RGS22: variants seen among roughly 807,000 people sequenced by gnomAD.
The protein encoded by RGS22 is regulator of G protein signaling 22.
Under a neutral mutation model 172.9 loss-of-function variants are expected in RGS22, and 148 were observed. That is an observed-to-expected ratio of 0.86 (90% confidence interval 0.75 to 0.98). RGS22 has a LOEUF of 0.98. Among genes scored for constraint, RGS22 ranks in the 50% least tolerant of loss-of-function variants. The pLI is 0.00. For missense variants in RGS22, 1,347 were observed against 1,440.8 expected, an observed-to-expected ratio of 0.93 and a Z score of 1.05; for synonymous variants, 458 against 480.2, an observed-to-expected ratio of 0.95 and a Z score of 0.60.
chr8:100,076,810 T>C (rs539445135), intron 4 of RGS22, among the ~76,000 whole-genome samples: 21 of 152,280 alleles, frequency 1.4e-4, no homozygotes, highest in Admixed American at 1.0e-3. Context: ...CTGGCCGACA[T>C]GGCAAAACCC....
intron 23 of RGS22, among the ~76,000 whole-genome samples, chr8:99,972,611 C>T (rs1247102929): frequency 6.6e-6 from 1 of 152,148 alleles, no homozygotes; most frequent in African/African-American, 2.4e-5. Context: ...AGACACTTCT[C>T]AAAAGAAGAC....
At chr8:100,098,891 ATTTTATTTTATTTTAT>A (rs1813232410) in intron 2 of RGS22, among the ~76,000 whole-genome samples, 1 of 82,276 alleles carries the variant, frequency 1.2e-5, no homozygotes, top group African/African-American at 4.6e-5. Context: ...ATTTTATTTT[ATTTTATTTTATTTTAT>A]TTTATTTTAT....
chr8:99,976,432 G>C (rs1811946070), intron 23 of RGS22, among the ~76,000 whole-genome samples: 1 of 152,066 alleles, frequency 6.6e-6, no homozygotes, highest in African/African-American at 2.4e-5. Flanking sequence ...CGCCATCTCG[G>C]CTCACTGCAA....
chr8:99,993,532 CTGGACACAT>C lies in RGS22; in HGVS notation c.3018+2921_3018+2929del, dbSNP rs557460724. Among the ~76,000 whole-genome samples, 139 of 152,196 alleles carry C rather than the reference CTGGACACAT, an allele frequency of 9.1e-4. 1 individual carries two copies. Among genetic ancestry groups the C allele is most frequent in the African/African-American group, 2.8e-3 (118 of 41,548 alleles). On this transcript the variant is annotated intron_variant, in intron 20 of 27. Transcript: ENST00000360863. The stretch of plus-strand genomic sequence containing the variant: ...AAATCTAGAAGAAATGAATAAGTTC[CTGGACACAT>C]ACACTCTCCCAAGACTAAACCAGGA...
intron 20 of RGS22, among the ~76,000 whole-genome samples, chr8:99,994,019 T>C (rs1295883718): frequency 3.3e-5 from 5 of 152,176 alleles, no homozygotes; most frequent in Admixed American, 1.3e-4. Context: ...AAAAACCAGA[T>C]GATTATCTCA....
intron 2 of RGS22, 99 bp from the exon 3 acceptor site, chr8:100,093,608 A>G (rs976966448): frequency 2.6e-6 from 2 of 776,836 alleles, no homozygotes; most frequent in East Asian, 2.7e-5. Context: ...TATCACATAG[A>G]TCTTCAAATC....
intron 14 of RGS22, among the ~76,000 whole-genome samples, chr8:100,020,624 C>A (rs1013359969): frequency 5.9e-5 from 9 of 152,098 alleles, no homozygotes; most frequent in African/African-American, 1.9e-4. Context: ...TTTACTGGAG[C>A]CAGCTTGTAC....
intron 23 of RGS22, among the ~76,000 whole-genome samples, chr8:99,967,782 GGACGGGGT>G (rs1347789126): frequency 6.6e-6 from 1 of 152,200 alleles, no homozygotes; most frequent in Non-Finnish European, 1.5e-5. Flanking sequence ...AGCACCTGGG[GGACGGGGT>G]GGCTGTGGGC....
rs80025362 is a variant in RGS22 at position 100,028,805 on chromosome 8, C to T, written c.2166+10126G>A. Among the ~76,000 whole-genome samples, 651 of 152,296 alleles carry T rather than the reference C, an allele frequency of 4.3e-3. 17 individuals carry two copies. In the East Asian group the frequency reaches 0.062, roughly 14 times the overall value. On this transcript the variant is annotated intron_variant, in intron 14 of 27. Coordinates refer to ENST00000360863, the MANE Select transcript of RGS22 (RefSeq NM_015668.5). The stretch of plus-strand genomic sequence containing the variant: ...GAATACTATAGCAGCCAGGCCCCCA[C>T]GAAAACAGTATCTCCTAGTATTCAT...
At chr8:99,977,270 AT>A (rs895569407) in intron 23 of RGS22, among the ~76,000 whole-genome samples, 155 of 120,384 alleles carry the variant, frequency 1.3e-3, no homozygotes, top group Middle Eastern at 4.7e-3. Flanking sequence ...CGCCCGGTTA[AT>A]TTTTTTTTTT....
At chr8:99,999,701 G>C (rs1814816207) in intron 18 of RGS22, among the ~76,000 whole-genome samples, 1 of 152,140 alleles carries the variant, frequency 6.6e-6, no homozygotes, top group African/African-American at 2.4e-5. Context: ...TGTGACCACA[G>C]CAATGGCATT....
chr8:99,981,172 A>G (rs1384023392), intron 22 of RGS22, among the ~76,000 whole-genome samples: 1 of 152,196 alleles, frequency 6.6e-6, no homozygotes, highest in African/African-American at 2.4e-5. Flanking sequence ...CAACATCACT[A>G]AAAGGCTTTT....
chr8:100,064,010 C>T lies in RGS22; in HGVS notation c.758G>A (p.Arg253Lys), dbSNP rs1385342451. Residue 253 changes from arginine (R) to lysine (K), a missense_variant, in exon 8 of 28, where the codon AGG (arginine) becomes AAG (lysine). Coordinates refer to ENST00000360863, the MANE Select transcript of RGS22 (RefSeq NM_015668.5). ...NFIFDDGVHP[R>K]TKKDPSKTNK... Reference sequence around the variant, plus strand: ...GGTTTTAGATGGGTCCTTTTTTGTCCTAGGGTGAACTCCATCATCAAAGAT... The same window carrying T: ...GGTTTTAGATGGGTCCTTTTTTGTCTTAGGGTGAACTCCATCATCAAAGAT... 6.6e-7 allele frequency: 1 copy of T among 1,525,484 alleles called. No individual in the cohort carries two copies. The highest frequency in any genetic ancestry group is 8.8e-7 in the Non-Finnish European group (1 of 1,141,838). 94.5% of individuals were successfully genotyped at this position (1,525,484 alleles called of 1,614,324 possible).
At chr8:100,053,383 T>C (rs369011161) in intron 9 of RGS22, among the ~76,000 whole-genome samples, 2 of 142,864 alleles carry the variant, frequency 1.4e-5, no homozygotes, top group East Asian at 2.2e-4. Context: ...GATTGTGCCA[T>C]TGCACTCCAG....
intron 14 of RGS22, among the ~76,000 whole-genome samples, chr8:100,010,778 T>G (rs992412865): frequency 1.3e-5 from 2 of 151,998 alleles, no homozygotes; most frequent in African/African-American, 4.8e-5. Flanking sequence ...AAGGAAAGAA[T>G]TCTAGAAACT....
chr8:99,990,524 C>T (rs188834900), intron 20 of RGS22, among the ~76,000 whole-genome samples: 51 of 152,220 alleles, frequency 3.4e-4, no homozygotes, highest in Non-Finnish European at 6.9e-4. Context: ...TGGCATGCAA[C>T]GTGGGGGCTC....
chr8:100,080,406 A>C (rs1290987413), intron 3 of RGS22, 51 bp from the exon 4 acceptor site: 1 of 1,331,484 alleles, frequency 7.5e-7, no homozygotes, highest in Non-Finnish European at 1.0e-6. Context: ...CTGGAAACTC[A>C]TGGTCTCTAA....
In RGS22 at chr8:99,965,356, G is replaced by T. The variant is rs1428503160; in HGVS notation, c.3594C>A (p.Gly1198=). 6.2e-7 allele frequency: 1 copy of T among 1,613,348 alleles called. No homozygotes were observed. Among genetic ancestry groups the T allele is most frequent in the East Asian group, 2.2e-5 (1 of 44,838 alleles). The change falls in exon 24 of 28, where the codon GGC becomes GGA. Residue 1198 remains glycine (G), a synonymous_variant. Coordinates refer to ENST00000360863, the MANE Select transcript of RGS22 (RefSeq NM_015668.5). ...TTACCTGTCGGCCATATGGTTGGAGGCCTAGGAAGGAATCACTGAGTAAAG... is the reference window on the plus strand; with the variant it reads ...TTACCTGTCGGCCATATGGTTGGAGTCCTAGGAAGGAATCACTGAGTAAAG... ...KTALLSDSFL[G]LQPYGRQPTW... is the part of the protein sequence containing the mutation.
chr8:100,060,051 T>C (rs1008484869), intron 9 of RGS22, among the ~76,000 whole-genome samples: 3 of 152,116 alleles, frequency 2.0e-5, no homozygotes, highest in Admixed American at 6.5e-5. Flanking sequence ...TTTACAGTTA[T>C]CTTAAAATAA....
Sources: gnomAD v4.1 joint callset for allele counts (sites outside exome capture counted in the v4.1 genomes callset) on GRCh38, gnomAD v4.1.1 for gene constraint, MANE v1.5 for transcripts, NCBI Gene and HGNC (gene_info 2026-07-23, HGNC 2026-07-21) for gene names.